CNTN4: variants seen among roughly 807,000 people sequenced by gnomAD.
CNTN4 encodes contactin-4.
In CNTN4, 77 loss-of-function variants were observed where a neutral mutation model predicts 122.5. That is an observed-to-expected ratio of 0.63 (90% CI 0.52 to 0.76). The LOEUF (loss-of-function observed/expected upper bound fraction) is 0.76. CNTN4 is among the 30% of genes least tolerant of loss of function. The pLI is 0.00. For missense variants in CNTN4, 1,256 were observed against 1,259.1 expected, an observed-to-expected ratio of 1.00 and a Z score of 0.04; for synonymous variants, 512 against 447.0, an observed-to-expected ratio of 1.15 and a Z score of -1.83.
At chr3:2,267,834 T>C (rs1481837360) in intron 2 of CNTN4, among the ~76,000 whole-genome samples, 1 of 152,086 alleles carries the variant, frequency 6.6e-6, no homozygotes, top group African/African-American at 2.4e-5. Flanking sequence ...TTCTATCTTT[T>C]CATCATATAT....
At chr3:2,418,983 G>A (rs1374394135) in intron 3 of CNTN4, among the ~76,000 whole-genome samples, 1 of 152,094 alleles carries the variant, frequency 6.6e-6, no homozygotes, top group Admixed American at 6.5e-5. Flanking sequence ...AAAAGATAAA[G>A]GCCTTCCTCA....
chr3:2,331,056 TG>T (rs2043697980), intron 2 of CNTN4, among the ~76,000 whole-genome samples: 1 of 152,122 alleles, frequency 6.6e-6, no homozygotes. Context: ...TTTGTGATAA[TG>T]GTAAACTCTG....
intron 13 of CNTN4, among the ~76,000 whole-genome samples, chr3:2,942,518 C>G (rs898830758): frequency 5.9e-5 from 9 of 152,082 alleles, no homozygotes; most frequent in African/African-American, 2.2e-4. Flanking sequence ...CATAGATGTG[C>G]CTTATAATTT....
chr3:2,478,853 T>C (rs184612397), intron 3 of CNTN4, among the ~76,000 whole-genome samples: 2 of 152,320 alleles, frequency 1.3e-5, no homozygotes, highest in Admixed American at 6.5e-5. Context: ...TTTAGGTTGA[T>C]TCCATGTCCT....
chr3:3,052,390 G>C (rs1026311174), intron 23 of CNTN4, among the ~76,000 whole-genome samples: 3 of 152,094 alleles, frequency 2.0e-5, no homozygotes, highest in Non-Finnish European at 2.9e-5. Context: ...TCCCTGTGAG[G>C]CAAAATTGCT....
At chr3:3,040,365 T>C (rs1182316400) in intron 20 of CNTN4, 94 bp downstream of exon 20, 2 of 967,716 alleles carry the variant, frequency 2.1e-6, no homozygotes, top group Admixed American at 1.9e-5. Flanking sequence ...GCATGGTACA[T>C]GTATCTTGAA....
chr3:2,941,158 C>T (rs1405759585), intron 13 of CNTN4, among the ~76,000 whole-genome samples: 1 of 152,120 alleles, frequency 6.6e-6, no homozygotes, highest in East Asian at 1.9e-4. Context: ...AGGACTTTCC[C>T]TCCTTCAATC....
chr3:2,233,420 T>G (rs139358696), intron 2 of CNTN4, among the ~76,000 whole-genome samples: 4 of 152,290 alleles, frequency 2.6e-5, no homozygotes, highest in African/African-American at 9.6e-5. Flanking sequence ...TTTCGCAGTC[T>G]TGTGATATAT....
intron 13 of CNTN4, among the ~76,000 whole-genome samples, chr3:2,981,420 G>C (rs939272687): frequency 6.6e-6 from 1 of 152,008 alleles, no homozygotes; most frequent in Non-Finnish European, 1.5e-5. Context: ...CTCCAGCCTG[G>C]GCGACAGAGC....
intron 3 of CNTN4, among the ~76,000 whole-genome samples, chr3:2,452,559 A>G (rs921876826): frequency 6.6e-6 from 1 of 152,166 alleles, no homozygotes; most frequent in Non-Finnish European, 1.5e-5. Flanking sequence ...AGGCCATAAC[A>G]TTAGGTGGAG....
At chr3:2,491,402 G>A (rs1247411577) in intron 3 of CNTN4, among the ~76,000 whole-genome samples, 4 of 152,130 alleles carry the variant, frequency 2.6e-5, no homozygotes, top group South Asian at 2.1e-4. Context: ...AAAAATACAC[G>A]TGTATAGATA....
intron 2 of CNTN4, among the ~76,000 whole-genome samples, chr3:2,185,979 G>C (rs546055036): frequency 6.6e-6 from 1 of 151,662 alleles, no homozygotes; most frequent in Admixed American, 6.6e-5. Context: ...TGTGCACAAC[G>C]TGCAGGTTTA....
intron 2 of CNTN4, among the ~76,000 whole-genome samples, chr3:2,154,115 T>G (rs1269384963): frequency 6.6e-6 from 1 of 152,124 alleles, no homozygotes; most frequent in African/African-American, 2.4e-5. Flanking sequence ...CCAGGCATGG[T>G]GTCTGACGCC....
At chr3:2,697,933 A>C (rs2086137987) in intron 4 of CNTN4, among the ~76,000 whole-genome samples, 1 of 152,176 alleles carries the variant, frequency 6.6e-6, no homozygotes, top group Admixed American at 6.5e-5. Context: ...CACAGGTTCC[A>C]GGGCAATTTG....
intron 7 of CNTN4, among the ~76,000 whole-genome samples, chr3:2,835,765 C>G (rs943145759): frequency 6.6e-6 from 1 of 152,014 alleles, no homozygotes; most frequent in African/African-American, 2.4e-5. Context: ...GAAAAGTATA[C>G]CCTGAAACAA....
Position 2,595,906 on chromosome 3 carries a change from G to A in CNTN4, c.55+24348G>A, listed in dbSNP as rs116242219. 9.9e-3 allele frequency among the ~76,000 whole-genome samples: 1,502 copies of A among 152,220 alleles called. 27 individuals carry two copies. Among genetic ancestry groups the A allele is most frequent in the African/African-American group, 0.035 (1,451 of 41,512 alleles). On this transcript the variant is annotated intron_variant, in intron 4 of 24. Transcript: ENST00000418658. ...ATTTAGTGGAAACCTCACTGTAATCGCCATGAGGATTATGTATCATCATCT... is the reference window on the plus strand; with the variant it reads ...ATTTAGTGGAAACCTCACTGTAATCACCATGAGGATTATGTATCATCATCT...
intron 3 of CNTN4, among the ~76,000 whole-genome samples, chr3:2,537,609 G>A (rs916288854): frequency 6.6e-6 from 1 of 151,946 alleles, no homozygotes; most frequent in African/African-American, 2.4e-5. Flanking sequence ...ACACTTCTAA[G>A]GGAACTTGAC....
At chr3:2,477,113 A>G (rs182847670) in intron 3 of CNTN4, among the ~76,000 whole-genome samples, 16 of 152,316 alleles carry the variant, frequency 1.1e-4, no homozygotes, top group Admixed American at 1.0e-3. Flanking sequence ...AAATAAATGT[A>G]AAATCTGGCA....
At chr3:2,846,690 G>A (rs1279242137) in intron 7 of CNTN4, among the ~76,000 whole-genome samples, 1 of 152,160 alleles carries the variant, frequency 6.6e-6, no homozygotes, top group Non-Finnish European at 1.5e-5. Flanking sequence ...GTTGTACACT[G>A]CCAAGAATAA....
Sources: allele counts gnomAD v4.1 joint callset (sites outside exome capture counted in the v4.1 genomes callset), GRCh38; gene constraint gnomAD v4.1.1; transcripts MANE v1.5; gene names NCBI Gene and HGNC (gene_info 2026-07-23, HGNC 2026-07-21).